GLI3: variants seen among roughly 807,000 people sequenced by gnomAD.
GLI3 encodes the protein GLI family zinc finger 3.
A neutral mutation model predicts 100.8 loss-of-function variants in GLI3; 20 were observed. The ratio of observed to expected loss-of-function variants is 0.20; its 90% confidence interval spans 0.14 to 0.29. The LOEUF (loss-of-function observed/expected upper bound fraction) is 0.29, where lower values mean the gene tolerates loss of function less well. Among genes scored for constraint, GLI3 ranks in the 10% least tolerant of loss-of-function variants. The pLI, the probability that GLI3 is intolerant of heterozygous loss-of-function variation, is 1.00. For synonymous variants in GLI3, 938 were observed against 860.5 expected (o/e 1.09, Z -1.58); for missense variants, 2,040 against 2,128.5 (o/e 0.96, Z 0.82).
At chr7:42,109,794 C>T (rs1053121657) in intron 3 of GLI3, among the ~76,000 whole-genome samples, 3 of 152,150 alleles carry the variant, frequency 2.0e-5, no homozygotes, top group Admixed American at 6.5e-5. Flanking sequence ...AGGGAAACAT[C>T]CTGCTCTAAA....
At chr7:42,084,072 C>T (rs1327850754) in intron 3 of GLI3, among the ~76,000 whole-genome samples, 8 of 152,228 alleles carry the variant, frequency 5.3e-5, no homozygotes, top group Admixed American at 3.9e-4. Context: ...CTATAAACTT[C>T]CACGGACATT....
intron 4 of GLI3, among the ~76,000 whole-genome samples, chr7:42,071,926 G>C (rs901355704): frequency 6.6e-5 from 10 of 152,158 alleles, no homozygotes; most frequent in African/African-American, 2.4e-4. Flanking sequence ...TACTTAGGTG[G>C]AATGATTCCA....
chr7:41,998,963 C>T (rs1230464691), intron 10 of GLI3, among the ~76,000 whole-genome samples: 1 of 152,162 alleles, frequency 6.6e-6, no homozygotes, highest in African/African-American at 2.4e-5. Context: ...GTGTGATGGG[C>T]ACGTGCACTG....
At chr7:42,213,652 A>G (rs1258337459) in intron 2 of GLI3, among the ~76,000 whole-genome samples, 1 of 152,224 alleles carries the variant, frequency 6.6e-6, no homozygotes, top group Non-Finnish European at 1.5e-5. Flanking sequence ...GTGAAAATCC[A>G]TTTTGAAACC....
At chr7:42,002,719 C>T (rs1788340031) in intron 10 of GLI3, among the ~76,000 whole-genome samples, 1 of 152,122 alleles carries the variant, frequency 6.6e-6, no homozygotes, top group African/African-American at 2.4e-5. Context: ...CACTAATAAG[C>T]AAAATCTCAT....
At chr7:42,002,791 G>A (rs1020963440) in intron 10 of GLI3, among the ~76,000 whole-genome samples, 3 of 152,132 alleles carry the variant, frequency 2.0e-5, no homozygotes, top group African/African-American at 7.2e-5. Flanking sequence ...AGCCAACTTG[G>A]CTCTCCCACT....
At chr7:42,064,700 A>G (rs1163718968) in intron 4 of GLI3, among the ~76,000 whole-genome samples, 1 of 152,188 alleles carries the variant, frequency 6.6e-6, no homozygotes, top group Non-Finnish European at 1.5e-5. Flanking sequence ...TGTGTTACGC[A>G]GGAAGTATTA....
intron 1 of GLI3, among the ~76,000 whole-genome samples, chr7:42,246,753 G>A (rs901842075): frequency 5.4e-5 from 8 of 149,052 alleles, no homozygotes; most frequent in African/African-American, 1.5e-4. Context: ...TATTTTCGGC[G>A]GTTGGTAAAT....
chr7:42,090,789 T>C (rs1262986660), intron 3 of GLI3, among the ~76,000 whole-genome samples: 2 of 152,250 alleles, frequency 1.3e-5, no homozygotes, highest in African/African-American at 4.8e-5. Context: ...AGAACTATCA[T>C]TTACTGAGCA....
intron 2 of GLI3, among the ~76,000 whole-genome samples, chr7:42,196,609 C>T (rs1258679532): frequency 6.6e-6 from 1 of 152,192 alleles, no homozygotes; most frequent in African/African-American, 2.4e-5. Flanking sequence ...TTAAAGTTCA[C>T]ACTATAAGTT....
Position 42,148,207 on chromosome 7 carries a change from G to T in GLI3, c.367+19C>A. On this transcript the variant is annotated intron_variant, in intron 3 of 14. Transcript: ENST00000395925. ...TCCCCATAGCTCCTGAACAAGTGCC[G>T]ACTGGCATGGGCACTTACGGTAGTG... 2 of 1,597,032 alleles carry T rather than the reference G, an allele frequency of 1.3e-6. No homozygotes were observed. The highest frequency in any genetic ancestry group is 1.7e-6 in the Non-Finnish European group (2 of 1,170,764).
chr7:41,995,120 A>G (rs1788087647), intron 10 of GLI3, among the ~76,000 whole-genome samples: 1 of 152,244 alleles, frequency 6.6e-6, no homozygotes, highest in Non-Finnish European at 1.5e-5. Flanking sequence ...TCTAAAGTAC[A>G]TGCAAAATGA....
chr7:42,080,349 T>C (rs1404970170), intron 3 of GLI3, among the ~76,000 whole-genome samples: 1 of 152,262 alleles, frequency 6.6e-6, no homozygotes, highest in African/African-American at 2.4e-5. Flanking sequence ...TGCTTATTTA[T>C]GTCCCAAGAA....
intron 2 of GLI3, among the ~76,000 whole-genome samples, chr7:42,164,252 G>A (rs556102810): frequency 1.3e-5 from 2 of 152,316 alleles, no homozygotes; most frequent in South Asian, 4.1e-4. Context: ...CAGACATGGT[G>A]GCTCACACCT....
At chr7:42,185,233 T>A (rs754401993) in intron 2 of GLI3, among the ~76,000 whole-genome samples, 2 of 152,180 alleles carry the variant, frequency 1.3e-5, no homozygotes, top group African/African-American at 4.8e-5. Flanking sequence ...GCATGTTTCC[T>A]GAGTCCATCA....
intron 1 of GLI3, among the ~76,000 whole-genome samples, chr7:42,244,616 A>C (rs1204282255): frequency 3.3e-5 from 5 of 152,186 alleles, no homozygotes; most frequent in African/African-American, 1.2e-4. Flanking sequence ...CAGGCAATTA[A>C]GGCCAAAAAG....
At chr7:42,212,504 G>A (rs1255616992) in intron 2 of GLI3, among the ~76,000 whole-genome samples, 2 of 152,272 alleles carry the variant, frequency 1.3e-5, no homozygotes, top group African/African-American at 4.8e-5. Context: ...ATTTAAAAGG[G>A]AAAGGTTGCT....
chr7:42,190,043 A>G (rs1361626525), intron 2 of GLI3, among the ~76,000 whole-genome samples: 11 of 151,746 alleles, frequency 7.2e-5, no homozygotes. Flanking sequence ...GCAATTACAT[A>G]GGGAAAATGT....
chr7:42,005,914 A>C (rs1456139802), intron 10 of GLI3, among the ~76,000 whole-genome samples: 1 of 152,118 alleles, frequency 6.6e-6, no homozygotes, highest in Non-Finnish European at 1.5e-5. Flanking sequence ...AGGGATGGGT[A>C]TCTCACATTA....
Sources: allele counts gnomAD v4.1 joint callset (sites outside exome capture counted in the v4.1 genomes callset), GRCh38; gene constraint gnomAD v4.1.1; transcripts MANE v1.5; gene names NCBI Gene and HGNC (gene_info 2026-07-23, HGNC 2026-07-21).